Variants in CA1 observed in about 807,000 individuals in gnomAD.
CA1 encodes carbonic anhydrase 1.
In CA1, 27 loss-of-function variants were observed where a neutral mutation model predicts 28.8. That is an observed-to-expected ratio of 0.94 (90% CI 0.69 to 1.29). The LOEUF (loss-of-function observed/expected upper bound fraction) is 1.29, where lower values mean the gene tolerates loss of function less well. Among genes scored for constraint, CA1 ranks in the 50% most tolerant of loss-of-function variants. The probability of loss-of-function intolerance (pLI) is 0.00; values close to 1 mark genes in which losing one functional copy is unlikely to be tolerated. For synonymous variants in CA1, 121 were observed against 108.8 expected (o/e 1.11, Z -0.70); for missense variants, 335 against 310.5 (o/e 1.08, Z -0.59).
chr8:85,366,434 T>C (rs1810010297), intron 1 of CA1, among the ~76,000 whole-genome samples: 1 of 152,186 alleles, frequency 6.6e-6, no homozygotes, highest in Non-Finnish European at 1.5e-5. Flanking sequence ...AAAGATCATC[T>C]ATGTGACCAC....
At chr8:85,349,471 C>G (rs1809323557) in intron 1 of CA1, among the ~76,000 whole-genome samples, 1 of 152,164 alleles carries the variant, frequency 6.6e-6, no homozygotes, top group South Asian at 2.1e-4. Flanking sequence ...TTTATTATCA[C>G]AAAAGAGTTT....
chr8:85,344,236 A>G (rs1344048925), intron 1 of CA1, among the ~76,000 whole-genome samples: 1 of 99,376 alleles, frequency 1.0e-5, no homozygotes, highest in Non-Finnish European at 1.8e-5. Context: ...ACAGTATATA[A>G]TATATAATTA....
intron 1 of CA1, among the ~76,000 whole-genome samples, chr8:85,368,788 G>A (rs554703390): frequency 6.6e-6 from 1 of 152,250 alleles, no homozygotes; most frequent in Admixed American, 6.5e-5. Flanking sequence ...TTCTAAGGGA[G>A]TTCAAGCACT....
In CA1 at chr8:85,338,394, A is replaced by G. The variant is rs772794939; in HGVS notation, c.93T>C (p.Pro31=). ...YPIANGNNQS[P]VDIKTSETKH... ...TGGTTTCACTGGTTTTAATATCAAC[A>G]GGGGACTGGTTATTTCCATTGGCAA... Residue 31 remains proline, a synonymous_variant, in exon 3 of 8, where the codon CCT becomes CCC. Transcript: ENST00000523022. 1.2e-6 allele frequency: 2 copies of G among 1,614,018 alleles called. No homozygotes were observed. Among genetic ancestry groups the G allele is most frequent in the East Asian group, 2.2e-5 (1 of 44,856 alleles).
At chr8:85,358,322 A>AT (rs1394236044) in intron 1 of CA1, among the ~76,000 whole-genome samples, 1 of 151,852 alleles carries the variant, frequency 6.6e-6, no homozygotes, top group African/African-American at 2.4e-5. Flanking sequence ...GCTAAACTTC[A>AT]TTTCACTCTC....
At chr8:85,358,892 T>C (rs1306955236) in intron 1 of CA1, among the ~76,000 whole-genome samples, 1 of 152,006 alleles carries the variant, frequency 6.6e-6, no homozygotes, top group Non-Finnish European at 1.5e-5. Context: ...ATTCACTCAG[T>C]GAGTAAGTCC....
At chr8:85,367,088 A>C (rs1415162975) in intron 1 of CA1, among the ~76,000 whole-genome samples, 7 of 152,156 alleles carry the variant, frequency 4.6e-5, no homozygotes, top group African/African-American at 1.4e-4. Flanking sequence ...TTTCAGAGAC[A>C]GATTATAGAA....
chr8:85,342,827 T>A (rs1808981750), intron 1 of CA1: 1 of 152,168 alleles, frequency 6.6e-6, no homozygotes, highest in South Asian at 2.1e-4. Flanking sequence ...CTGCAACCCC[T>A]GAAAGAAGAG....
Position 85,341,632 on chromosome 8 carries a change from C to G in CA1, c.4G>C (p.Ala2Pro). The change falls in exon 2 of 8, where the codon GCA (alanine) becomes CCA (proline). Residue 2 changes from alanine to proline, a missense_variant. Coordinates refer to ENST00000523022, the MANE Select transcript of CA1 (RefSeq NM_001128831.4). M[A>P]SPDWGYDDKN... is the part of the protein sequence containing the mutation. ...TCATCATATCCCCAGTCTGGACTTGCCATTATCTTCTACTGAGTTTTCTTT... is the reference window on the plus strand; with the variant it reads ...TCATCATATCCCCAGTCTGGACTTGGCATTATCTTCTACTGAGTTTTCTTT... 6.3e-7 allele frequency: 1 copy of G among 1,593,386 alleles called. No homozygotes were observed. Among genetic ancestry groups the G allele is most frequent in the South Asian group, 1.1e-5 (1 of 90,642 alleles).
intron 1 of CA1, among the ~76,000 whole-genome samples, chr8:85,375,560 A>AT (rs1810385999): frequency 6.6e-6 from 1 of 152,156 alleles, no homozygotes; most frequent in Admixed American, 6.5e-5. Flanking sequence ...ATTAGAACAA[A>AT]TGTTGGCATG....
intron 1 of CA1, among the ~76,000 whole-genome samples, chr8:85,343,513 A>G (rs1016626879): frequency 5.3e-5 from 8 of 152,198 alleles, no homozygotes; most frequent in Admixed American, 4.6e-4. Context: ...CCTTGGGCTT[A>G]CTTCACTCCG....
At chr8:85,357,279 G>A (rs1334883356) in intron 1 of CA1, among the ~76,000 whole-genome samples, 2 of 152,122 alleles carry the variant, frequency 1.3e-5, no homozygotes, top group African/African-American at 2.4e-5. Context: ...AATGTGGAGC[G>A]GGTCAACACA....
chr8:85,368,376 G>A (rs534045498), intron 1 of CA1, among the ~76,000 whole-genome samples: 1 of 151,978 alleles, frequency 6.6e-6, no homozygotes, highest in East Asian at 1.9e-4. Flanking sequence ...CACCATGTTG[G>A]CTAGGCTGGT....
intron 4 of CA1, among the ~76,000 whole-genome samples, chr8:85,334,967 G>A (rs1441334787): frequency 6.6e-6 from 1 of 151,422 alleles, no homozygotes; most frequent in Non-Finnish European, 1.5e-5. Flanking sequence ...TCCAGCCTGG[G>A]CAACAGAGCA....
chr8:85,371,858 G>A (rs74367484), intron 1 of CA1, among the ~76,000 whole-genome samples: 2 of 151,964 alleles, frequency 1.3e-5, no homozygotes, highest in African/African-American at 2.4e-5. Context: ...ATGCATTGTG[G>A]CTAAAAGAAT....
chr8:85,334,630 T>TCCCTCCCTTCCTTCCTC (rs1396812881), intron 4 of CA1, among the ~76,000 whole-genome samples: 4 of 149,034 alleles, frequency 2.7e-5, no homozygotes, highest in African/African-American at 9.9e-5. Flanking sequence ...CTTCCTTCCT[T>TCCCTCCCTTCCTTCCTC]CCTCCCTCCC....
chr8:85,335,438 A>G (rs1194940875), intron 4 of CA1, among the ~76,000 whole-genome samples: 1 of 152,154 alleles, frequency 6.6e-6, no homozygotes, highest in Non-Finnish European at 1.5e-5. Context: ...TCTATATAGG[A>G]ATACTGGAGC....
At chr8:85,359,451 A>G (rs554553408) in intron 1 of CA1, among the ~76,000 whole-genome samples, 1 of 152,340 alleles carries the variant, frequency 6.6e-6, no homozygotes, top group East Asian at 1.9e-4. Context: ...GGGAAATTCA[A>G]GTAACTCTTA....
intron 1 of CA1, among the ~76,000 whole-genome samples, chr8:85,368,473 T>C (rs754735832): frequency 3.3e-5 from 5 of 152,032 alleles, no homozygotes; most frequent in Non-Finnish European, 7.4e-5. Flanking sequence ...TGGCCAAATT[T>C]AAAATTTAAA....
Sources: allele counts gnomAD v4.1 joint callset (sites outside exome capture counted in the v4.1 genomes callset), GRCh38; gene constraint gnomAD v4.1.1; transcripts MANE v1.5; gene names NCBI Gene and HGNC (gene_info 2026-07-23, HGNC 2026-07-21).